Variants in ZNF141 observed in about 807,000 individuals in gnomAD.
ZNF141 encodes the protein zinc finger protein 141 (clone pHZ-44).
ZNF141 carries 7 observed loss-of-function variants against 11.3 expected under a neutral mutation model. The observed-to-expected ratio is 0.62, with a 90% CI of 0.35 to 1.16. ZNF141 has a LOEUF of 1.16. ZNF141 is among the 50% of genes most tolerant of loss of function. The pLI, the probability that ZNF141 is intolerant of heterozygous loss-of-function variation, is 0.02. For synonymous variants in ZNF141, 183 were observed against 190.7 expected (o/e 0.96, Z 0.33); for missense variants, 535 against 554.0 (o/e 0.97, Z 0.34).
At chr4:352,011 C>T (rs1721627405) in intron 3 of ZNF141, among the ~76,000 whole-genome samples, 1 of 152,114 alleles carries the variant, frequency 6.6e-6, no homozygotes, top group Admixed American at 6.6e-5. Context: ...GTGGGGAAAG[C>T]ATCAAGCATA....
chr4:358,160 GGTTCTTTTTTAA>G (rs1425733806), intron 3 of ZNF141: 1 of 384,462 alleles, frequency 2.6e-6, no homozygotes, highest in Non-Finnish European at 5.0e-6. Context: ...ATATGTATTT[GGTTCTTTTTTAA>G]GTTTCTCGTT....
chr4:367,029 C>G (rs1399090647), intron 3 of ZNF141, among the ~76,000 whole-genome samples: 1 of 152,158 alleles, frequency 6.6e-6, no homozygotes, highest in African/African-American at 2.4e-5. Context: ...TTAAGAAACT[C>G]AACGAATTAG....
chr4:348,479 G>A (rs1036039214), intron 3 of ZNF141, among the ~76,000 whole-genome samples: 1 of 152,100 alleles, frequency 6.6e-6, no homozygotes, highest in African/African-American at 2.4e-5. Context: ...TTGGGAGGCC[G>A]AGGTGGGCGG....
In ZNF141 at chr4:374,057, T is replaced by C. The variant is rs1712232549; in HGVS notation, c.*195T>C. Reference sequence around the variant, plus strand: ...AGAAACTGTACAAATGTGAAGAATATGGCAAAGCCTGTGAATGGTCCACAA... The same window carrying C: ...AGAAACTGTACAAATGTGAAGAATACGGCAAAGCCTGTGAATGGTCCACAA... On this transcript the variant is annotated 3_prime_UTR_variant, in exon 4 of 4. Coordinates refer to ENST00000240499, the MANE Select transcript of ZNF141 (RefSeq NM_003441.4). 1 of 619,154 alleles carries C rather than the reference T, an allele frequency of 1.6e-6. No homozygotes were observed. Among genetic ancestry groups the C allele is most frequent in the Non-Finnish European group, 2.8e-6 (1 of 352,176 alleles). The allele number at this position is 619,154 out of a possible 1,614,324, so 38.4% of individuals were successfully genotyped here. A position where few individuals can be genotyped will look rare whatever the true frequency, so the allele number is the denominator to read the frequency against.
At chr4:370,714 A>C (rs1712012670) in intron 3 of ZNF141, among the ~76,000 whole-genome samples, 1 of 151,808 alleles carries the variant, frequency 6.6e-6, no homozygotes, top group South Asian at 2.1e-4. Flanking sequence ...TGTATATCCT[A>C]GTTGAAGTTT....
rs1429086094 is a variant in ZNF141, at chr4:379,749, CTCA to C, written c.*5892_*5894del. ...ATACTCAAGTTGTTTGACAAAGATA[CTCA>C]TCATTTGCAACATTATTCTGTAATT... On this transcript the variant is annotated 3_prime_UTR_variant, in exon 4 of 4. Transcript: ENST00000240499. Among the ~76,000 whole-genome samples, 9 of 152,276 alleles carry C rather than the reference CTCA, an allele frequency of 5.9e-5. No homozygotes were observed. The highest frequency in any genetic ancestry group is 2.1e-4 in the South Asian group (1 of 4,818).
At position 374,300 on chromosome 4, in the gene ZNF141, G is replaced by A. The variant is rs966730608; in HGVS notation, c.*438G>A. The A allele has an allele frequency of 2.1e-5, 6 of 289,302 alleles. No homozygotes were observed. Among genetic ancestry groups the A allele is most frequent in the Non-Finnish European group, 2.8e-5 (4 of 143,592 alleles). 17.9% of individuals were successfully genotyped at this position (289,302 alleles called of 1,614,324 possible). A position where few individuals can be genotyped will look rare whatever the true frequency, so the allele number is the denominator to read the frequency against. On this transcript the variant is annotated 3_prime_UTR_variant, in exon 4 of 4. Transcript: ENST00000240499. ...TGGAGAGAAACTTCACATGTGAACC[G>A]TGTGGCAAAGCCTTTAAATGGTCCT...
intron 3 of ZNF141, among the ~76,000 whole-genome samples, chr4:346,607 C>T (rs1266591808): frequency 6.6e-6 from 1 of 152,130 alleles, no homozygotes; most frequent in Non-Finnish European, 1.5e-5. Context: ...AAAATTTGTG[C>T]TCTTGAACAA....
At chr4:358,213 G>A in intron 3 of ZNF141, 1 of 354,238 alleles carries the variant, frequency 2.8e-6, no homozygotes. Flanking sequence ...TAAAGATGGA[G>A]TTTCGCTCTT....
At chr4:371,714 G>C (rs1362710560) in intron 3 of ZNF141, among the ~76,000 whole-genome samples, 1 of 151,336 alleles carries the variant, frequency 6.6e-6, no homozygotes, top group African/African-American at 2.4e-5. Flanking sequence ...TAGTTTTTTT[G>C]TATTTTTAGT....
intron 3 of ZNF141, among the ~76,000 whole-genome samples, chr4:349,793 T>C (rs1300225780): frequency 6.6e-6 from 1 of 152,174 alleles, no homozygotes; most frequent in African/African-American, 2.4e-5. Context: ...CCTGGAGAGA[T>C]TAGATTTCCT....
intron 3 of ZNF141, among the ~76,000 whole-genome samples, chr4:362,573 A>T (rs183363218): frequency 3.0e-3 from 461 of 152,286 alleles, no homozygotes; most frequent in Non-Finnish European, 3.6e-3. Flanking sequence ...TAAGGAAGGG[A>T]TCCAATTTCA....
chr4:381,982 C>G lies in ZNF141; in HGVS notation c.*8120C>G, dbSNP rs1316708717. Reference sequence around the variant, plus strand: ...TTTTTTTTTGAGACGGAGTCTCACTCTCGCCCAGGCTGGAGTGCAGTGGCT... The same window carrying G: ...TTTTTTTTTGAGACGGAGTCTCACTGTCGCCCAGGCTGGAGTGCAGTGGCT... On this transcript the variant is annotated 3_prime_UTR_variant, in exon 4 of 4. Coordinates refer to ENST00000240499, the MANE Select transcript of ZNF141 (RefSeq NM_003441.4). Among the ~76,000 whole-genome samples the G allele has an allele frequency of 9.0e-6, 1 of 111,112 alleles. No homozygotes were observed. Among genetic ancestry groups the G allele is most frequent in the African/African-American group, 4.5e-5 (1 of 22,018 alleles). The allele number at this position is 111,112 out of a possible 152,430, so 72.9% of individuals were successfully genotyped here. A position where few individuals can be genotyped will look rare whatever the true frequency, so the allele number is the denominator to read the frequency against.
chr4:346,031 C>T (rs1289000562), intron 3 of ZNF141, among the ~76,000 whole-genome samples: 1 of 152,154 alleles, frequency 6.6e-6, no homozygotes, highest in Admixed American at 6.5e-5. Flanking sequence ...AGATGTATCT[C>T]TCTGTAGCTA....
chr4:352,125 C>A (rs4371565), intron 3 of ZNF141, among the ~76,000 whole-genome samples: 2 of 151,996 alleles, frequency 1.3e-5, no homozygotes, highest in Non-Finnish European at 2.9e-5. Context: ...TGGTGGCTCA[C>A]GCCTGTAATC....
intron 3 of ZNF141, among the ~76,000 whole-genome samples, chr4:356,915 A>T (rs1285766878): frequency 1.3e-5 from 2 of 150,316 alleles, no homozygotes; most frequent in Non-Finnish European, 1.5e-5. Flanking sequence ...TTTCCAAGAG[A>T]CTTACATGAA....
At chr4:365,709 C>T (rs1553852864) in intron 3 of ZNF141, among the ~76,000 whole-genome samples, 1 of 152,118 alleles carries the variant, frequency 6.6e-6, no homozygotes, top group Non-Finnish European at 1.5e-5. Context: ...CTTAAAAATT[C>T]TTTGCTCTGT....
At chr4:369,107 G>A (rs1035573682) in intron 3 of ZNF141, among the ~76,000 whole-genome samples, 20 of 151,924 alleles carry the variant, frequency 1.3e-4, no homozygotes, top group Non-Finnish European at 2.4e-4. Context: ...CCTATATCTT[G>A]CTTTAATTCT....
chr4:352,558 A>G (rs1213478386), intron 3 of ZNF141, among the ~76,000 whole-genome samples: 1 of 152,134 alleles, frequency 6.6e-6, no homozygotes, highest in Non-Finnish European at 1.5e-5. Flanking sequence ...GCCTGGGGGA[A>G]TGTAGAGTTT....
Sources: gnomAD v4.1 joint callset for allele counts (sites outside exome capture counted in the v4.1 genomes callset) on GRCh38, gnomAD v4.1.1 for gene constraint, MANE v1.5 for transcripts, NCBI Gene and HGNC (gene_info 2026-07-23, HGNC 2026-07-21) for gene names.